CCDC82: variants seen among roughly 807,000 people sequenced by gnomAD.
The protein encoded by CCDC82 is coiled-coil domain containing 82, also known as coiled-coil domain-containing protein 82.
Under a neutral mutation model 60.6 loss-of-function variants are expected in CCDC82, and 47 were observed. That is an observed-to-expected ratio of 0.77 (90% CI 0.61 to 0.99). The LOEUF is 0.99. Among genes scored for constraint, CCDC82 ranks in the 50% least tolerant of loss-of-function variants. The pLI is 0.00. For missense variants in CCDC82, 588 were observed against 633.0 expected (o/e 0.93, Z 0.76); for synonymous variants, 212 against 207.4 (o/e 1.02, Z -0.19).
chr11:96,366,357 T>A (rs1272231628), intron 7 of CCDC82, among the ~76,000 whole-genome samples: 1 of 152,256 alleles, frequency 6.6e-6, no homozygotes, highest in East Asian at 1.9e-4. Flanking sequence ...TACTGAATCA[T>A]CTGTGTCTCA....
chr11:96,365,149 T>G lies in CCDC82; in HGVS notation c.1211A>C (p.Glu404Ala), dbSNP rs1277661168. The part of the protein sequence containing the change: ...SRSRWKEQYK[E>A]RVENYSNVSI... Reference sequence around the variant, plus strand: ...TACATTAGAATAATTTTCTACTCGCTCCTGAAAACAAAAAATATAAAAAAA... The same window carrying G: ...TACATTAGAATAATTTTCTACTCGCGCCTGAAAACAAAAAATATAAAAAAA... Residue 404 changes from glutamate to alanine, a missense_variant and splice_region_variant, in exon 8 of 10, where the codon GAG (glutamate) becomes GCG (alanine). Transcript: ENST00000646818. 15 of 1,527,294 alleles carry G rather than the reference T, an allele frequency of 9.8e-6. No homozygotes were observed. The highest frequency in any genetic ancestry group is 1.2e-5 in the Non-Finnish European group (14 of 1,134,012). The allele number at this position is 1,527,294 out of a possible 1,614,324, so 94.6% of individuals were successfully genotyped here. A position where few individuals can be genotyped will look rare whatever the true frequency, so the allele number is the denominator to read the frequency against.
chr11:96,369,082 A>T (rs1865116498), intron 7 of CCDC82, among the ~76,000 whole-genome samples: 1 of 152,176 alleles, frequency 6.6e-6, no homozygotes, highest in African/African-American at 2.4e-5. Context: ...GCTATCTCCA[A>T]ACTTTTCTTC....
At chr11:96,355,474 C>A (rs879534908) in intron 9 of CCDC82, 1 of 152,110 alleles carries the variant, frequency 6.6e-6, no homozygotes, top group African/African-American at 2.4e-5. Context: ...ATACTAAATG[C>A]TTAAAACGTA....
intron 8 of CCDC82, among the ~76,000 whole-genome samples, chr11:96,361,198 T>C (rs755240644): frequency 1.3e-5 from 2 of 152,344 alleles, no homozygotes; most frequent in Middle Eastern, 3.4e-3. Flanking sequence ...AACTCAGCTA[T>C]AGCTGTTCTA....
chr11:96,353,928 A>T, intron 9 of CCDC82: 2 of 379,890 alleles, frequency 5.3e-6, no homozygotes, highest in South Asian at 1.2e-4. Context: ...AAAGTGATCA[A>T]AGTGAATATT....
intron 7 of CCDC82, among the ~76,000 whole-genome samples, chr11:96,366,247 G>A (rs1247910168): frequency 1.3e-5 from 2 of 152,152 alleles, no homozygotes; most frequent in African/African-American, 2.4e-5. Context: ...AATAAACTTT[G>A]TTGGGTTAAG....
chr11:96,387,876 G>C (rs1255886642), intron 1 of CCDC82: 2 of 152,238 alleles, frequency 1.3e-5, no homozygotes, highest in East Asian at 3.9e-4. Context: ...AACACCAATT[G>C]CAAAATTTAA....
At chr11:96,381,455 CTTTA>C (rs1046490574) in intron 5 of CCDC82, 2 of 151,604 alleles carry the variant, frequency 1.3e-5, no homozygotes, top group African/African-American at 2.4e-5. Context: ...TCATGTCACA[CTTTA>C]TTTTAGTCAA....
In CCDC82 at chr11:96,353,244, A is replaced by C. The variant is rs1440700126; in HGVS notation, c.*402T>G. 3.0e-5 allele frequency: 5 copies of C among 165,158 alleles called. No homozygotes were observed. Among genetic ancestry groups the C allele is most frequent in the African/African-American group, 1.2e-4 (5 of 41,648 alleles). 10.2% of individuals were successfully genotyped at this position (165,158 alleles called of 1,614,324 possible). ...AAAAATATATTAGTGAAAATCATTT[A>C]ATACTGTAAAAGAATAAACAGATCT... On this transcript the variant is annotated 3_prime_UTR_variant, in exon 10 of 10. Coordinates refer to ENST00000646818, the MANE Select transcript of CCDC82 (RefSeq NM_024725.4).
intron 9 of CCDC82, chr11:96,358,360 G>T (rs1449752153): frequency 1.3e-5 from 16 of 1,216,848 alleles, no homozygotes; most frequent in Non-Finnish European, 1.6e-5. Context: ...GCTGCCAGCA[G>T]ATCTTCGGGA....
At chr11:96,375,372 C>A (rs1200644941) in intron 5 of CCDC82, among the ~76,000 whole-genome samples, 1 of 152,122 alleles carries the variant, frequency 6.6e-6, no homozygotes, top group Non-Finnish European at 1.5e-5. Context: ...AGTCTTGTCC[C>A]TAACCATAAG....
rs1337713377 is a variant in CCDC82, at chr11:96,384,424, T to C, written c.324A>G (p.Thr108=). The change falls in exon 4 of 10, where the codon ACA becomes ACG. Residue 108 remains threonine (T), a synonymous_variant. Transcript: ENST00000646818. ...KCLINSGNGS[T]YEEETNKIKH... ...TGATTTTGTTCGTTTCTTCTTCATA[T>C]GTTGAACCGTTGCCAGAGTTAATGA... 2 of 1,613,898 alleles carry C rather than the reference T, an allele frequency of 1.2e-6. No homozygotes were observed. The highest frequency in any genetic ancestry group is 1.1e-5 in the South Asian group (1 of 91,074).
chr11:96,383,832 G>T, intron 4 of CCDC82, 130 bp downstream of exon 4: 1 of 836,308 alleles, frequency 1.2e-6, no homozygotes, highest in Non-Finnish European at 1.8e-6. Context: ...ACATGTTCAA[G>T]AATACTTGAT....
chr11:96,363,727 T>C (rs1007016438), intron 8 of CCDC82: 6 of 152,190 alleles, frequency 3.9e-5, no homozygotes, highest in African/African-American at 9.7e-5. Context: ...AATCTTACTT[T>C]CCATGAACTT....
chr11:96,369,706 A>G (rs1248068321), intron 7 of CCDC82, among the ~76,000 whole-genome samples: 2 of 152,238 alleles, frequency 1.3e-5, no homozygotes, highest in African/African-American at 4.8e-5. Context: ...TACTGCAATA[A>G]TTACCAAAAT....
chr11:96,353,281 C>A lies in CCDC82; in HGVS notation c.*365G>T. ...GAATAAACAGATCTGGACAGGAATT[C>A]CGTAAAAATACATGTAGACGTTAGT... On this transcript the variant is annotated 3_prime_UTR_variant, in exon 10 of 10. Transcript: ENST00000646818. 1 of 172,560 alleles carries A rather than the reference C, an allele frequency of 5.8e-6. No individual in the cohort carries two copies. The highest frequency in any genetic ancestry group is 1.5e-4 in the South Asian group (1 of 6,890). The allele number at this position is 172,560 out of a possible 1,614,324, so 10.7% of individuals were successfully genotyped here.
In CCDC82 at chr11:96,371,074, C is replaced by G. The variant is rs199822469; in HGVS notation, c.1148G>C (p.Arg383Pro). The change falls in exon 7 of 10, where the codon CGC (arginine) becomes CCC (proline). Residue 383 changes from arginine (R) to proline (P), a missense_variant. By Grantham distance (103) the Arg-to-Pro change is moderately radical. Coordinates refer to ENST00000646818, the MANE Select transcript of CCDC82 (RefSeq NM_024725.4). ...GCTCTCTAGACGAGGCTGAACAAAG[C>G]GGTTATCCAAATAATGAAGAGATGT... The part of the protein sequence containing the change: ...MLTSLHYLDN[R>P]FVQPRLESLV... The G allele has an allele frequency of 6.2e-7, 1 of 1,606,548 alleles. No individual in the cohort carries two copies. The highest frequency in any genetic ancestry group is 8.5e-7 in the Non-Finnish European group (1 of 1,176,538).
intron 6 of CCDC82, among the ~76,000 whole-genome samples, chr11:96,372,301 T>G (rs1865315441): frequency 1.3e-5 from 2 of 152,164 alleles, no homozygotes; most frequent in African/African-American, 4.8e-5. Flanking sequence ...AAACTTTACC[T>G]TCCCTTATTC....
chr11:96,371,552 A>C (rs1054663776), intron 6 of CCDC82, among the ~76,000 whole-genome samples: 2 of 152,254 alleles, frequency 1.3e-5, no homozygotes, highest in African/African-American at 4.8e-5. Context: ...ACTGTACTCC[A>C]GCCTGGGTGA....
Sources: allele counts gnomAD v4.1 joint callset (sites outside exome capture counted in the v4.1 genomes callset), GRCh38; gene constraint gnomAD v4.1.1; transcripts MANE v1.5; gene names NCBI Gene and HGNC (gene_info 2026-07-23, HGNC 2026-07-21).